Variants in DOK6 observed in about 807,000 individuals in gnomAD.
DOK6 encodes docking protein 6, also known as downstream of tyrosine kinase 6.
Under a neutral mutation model 44.0 loss-of-function variants are expected in DOK6, and 22 were observed. That is an observed-to-expected ratio of 0.50 (90% confidence interval 0.36 to 0.71). The LOEUF (loss-of-function observed/expected upper bound fraction) is 0.71, where lower values mean the gene tolerates loss of function less well. Ranked by LOEUF, DOK6 falls within the 30% of genes least tolerant of loss-of-function variation. DOK6 has a pLI of 0.00. For missense variants in DOK6, 340 were observed against 416.4 expected, an observed-to-expected ratio of 0.82 and a Z score of 1.60; for synonymous variants, 166 against 145.5, an observed-to-expected ratio of 1.14 and a Z score of -1.01.
chr18:69,716,550 T>G (rs916798748), intron 5 of DOK6, among the ~76,000 whole-genome samples: 1 of 152,184 alleles, frequency 6.6e-6, no homozygotes, highest in African/African-American at 2.4e-5. Flanking sequence ...TTCTATACCG[T>G]GTACACACTG....
intron 7 of DOK6, among the ~76,000 whole-genome samples, chr18:69,786,977 T>C (rs1980449890): frequency 6.6e-6 from 1 of 152,082 alleles, no homozygotes; most frequent in South Asian, 2.1e-4. Flanking sequence ...GCACTTTGGG[T>C]GGTTGAGGCA....
At chr18:69,477,584 T>C (rs1301754410) in intron 1 of DOK6, among the ~76,000 whole-genome samples, 1 of 152,186 alleles carries the variant, frequency 6.6e-6, no homozygotes, top group African/African-American at 2.4e-5. Flanking sequence ...CCTCCATTTC[T>C]TTATATTTGA....
intron 4 of DOK6, among the ~76,000 whole-genome samples, chr18:69,688,084 C>A (rs1284043847): frequency 1.3e-5 from 2 of 151,846 alleles, no homozygotes; most frequent in African/African-American, 4.8e-5. Flanking sequence ...TATTAAAATA[C>A]CTTTTATAAA....
At chr18:69,672,567 G>A (rs957955176) in intron 3 of DOK6, among the ~76,000 whole-genome samples, 3 of 151,812 alleles carry the variant, frequency 2.0e-5, no homozygotes, top group Non-Finnish European at 4.4e-5. Flanking sequence ...CATGTTGGCC[G>A]GGCTGGTCTC....
chr18:69,401,432 G>A (rs1312354929), intron 1 of DOK6, 122 bp downstream of exon 1: 1 of 1,162,438 alleles, frequency 8.6e-7, no homozygotes, highest in African/African-American at 1.6e-5. Context: ...CGGCCCTTAG[G>A]CGGATGGCCC....
intron 3 of DOK6, among the ~76,000 whole-genome samples, chr18:69,607,148 C>T (rs539077599): frequency 2.2e-4 from 34 of 152,242 alleles, no homozygotes; most frequent in South Asian, 4.1e-4. Context: ...AGAAACTAGG[C>T]CCTTTTTGAA....
chr18:69,736,544 A>T (rs774272598), intron 5 of DOK6, among the ~76,000 whole-genome samples: 2 of 152,148 alleles, frequency 1.3e-5, no homozygotes, highest in Non-Finnish European at 2.9e-5. Flanking sequence ...ATAGAATTCT[A>T]GTTTGAAGTC....
At chr18:69,483,340 G>A (rs889317518) in intron 1 of DOK6, among the ~76,000 whole-genome samples, 1 of 151,934 alleles carries the variant, frequency 6.6e-6, no homozygotes, top group Non-Finnish European at 1.5e-5. Context: ...CAACAGTCAA[G>A]CTGAGAGCCA....
rs906040905 is a variant in DOK6, at chr18:69,522,125, G to T, written c.67-42362G>T. Among the ~76,000 whole-genome samples the T allele has an allele frequency of 4.6e-5, 7 of 151,838 alleles. No homozygotes were observed. The East Asian group carries it at 1.4e-3, about 29-fold the overall frequency. ...ACAATAAAATCAACTGAATCCCTTC[G>T]AATGGACCTGAGGGATAATTTTACA... On this transcript the variant is annotated intron_variant, in intron 1 of 7. Coordinates refer to ENST00000382713, the MANE Select transcript of DOK6 (RefSeq NM_152721.6).
Position 69,486,097 on chromosome 18 carries a change from G to C in DOK6, c.67-78390G>C, listed in dbSNP as rs1252983720. ...ATATTTCATAGGTAAAAAGGTTTCA[G>C]TTCCTTTTTTAATATATAATGTAAC... On this transcript the variant is annotated intron_variant, in intron 1 of 7. Coordinates refer to ENST00000382713, the MANE Select transcript of DOK6 (RefSeq NM_152721.6). 1.3e-5 allele frequency among the ~76,000 whole-genome samples: 2 copies of C among 151,562 alleles called. 1 individual carries two copies. Among genetic ancestry groups the C allele is most frequent in the Non-Finnish European group, 2.9e-5 (2 of 67,880 alleles).
intron 7 of DOK6, among the ~76,000 whole-genome samples, chr18:69,763,899 T>C (rs752532280): frequency 6.6e-6 from 1 of 152,204 alleles, no homozygotes; most frequent in Non-Finnish European, 1.5e-5. Context: ...AGCAATGCAT[T>C]ATAAAGCATA....
chr18:69,623,392 A>G (rs1442841791), intron 3 of DOK6, among the ~76,000 whole-genome samples: 1 of 152,204 alleles, frequency 6.6e-6, no homozygotes, highest in African/African-American at 2.4e-5. Flanking sequence ...CATCCATTAC[A>G]TTCAATAACA....
chr18:69,442,319 T>C (rs2122443406), intron 1 of DOK6, among the ~76,000 whole-genome samples: 1 of 152,320 alleles, frequency 6.6e-6, no homozygotes, highest in East Asian at 1.9e-4. Flanking sequence ...CTGAGTAATT[T>C]ATAAAGCAAA....
intron 1 of DOK6, among the ~76,000 whole-genome samples, chr18:69,491,948 A>T: frequency 6.6e-6 from 1 of 152,250 alleles, no homozygotes; most frequent in East Asian, 1.9e-4. Flanking sequence ...GAACCAAAAG[A>T]ATATTAAATA....
intron 3 of DOK6, among the ~76,000 whole-genome samples, chr18:69,603,038 A>G (rs1983909566): frequency 6.6e-6 from 1 of 152,244 alleles, no homozygotes; most frequent in Admixed American, 6.5e-5. Flanking sequence ...AACAATAATG[A>G]AGAACCAGAC....
chr18:69,547,924 AATATATAATATATATATAATAT>A (rs1254862286), intron 1 of DOK6, among the ~76,000 whole-genome samples: 2 of 144,450 alleles, frequency 1.4e-5, no homozygotes, highest in East Asian at 3.9e-4. Flanking sequence ...ATCTATATAT[AATATATAATATATATATAATAT>A]ATATAAAATA....
At chr18:69,514,963 T>A (rs12969411) in intron 1 of DOK6, among the ~76,000 whole-genome samples, 1 of 152,108 alleles carries the variant, frequency 6.6e-6, no homozygotes, top group South Asian at 2.1e-4. Context: ...GTTAATCAGA[T>A]GACACAGTGG....
chr18:69,659,962 T>TTATATATA lies in DOK6; in HGVS notation c.290-17766_290-17759dup, dbSNP rs372958644. 9.2e-3 allele frequency: 614 copies of TTATATATA among 66,838 alleles called. 116 individuals are homozygous for TTATATATA. In the East Asian group the frequency reaches 0.39, roughly 42 times the overall value. The allele number at this position is 66,838 out of a possible 1,614,324, so 4.1% of individuals were successfully genotyped here. ...TATATATATAACATATATGTATGTT[T>TTATATATA]TATATATATATATGTATATAAAGAA... On this transcript the variant is annotated intron_variant, in intron 3 of 7. Coordinates refer to ENST00000382713, the MANE Select transcript of DOK6 (RefSeq NM_152721.6).
intron 4 of DOK6, among the ~76,000 whole-genome samples, chr18:69,696,867 G>A (rs927188568): frequency 6.6e-6 from 1 of 152,164 alleles, no homozygotes; most frequent in African/African-American, 2.4e-5. Context: ...TTGGGAATAT[G>A]TATATATTTG....
Sources: allele counts gnomAD v4.1 joint callset (sites outside exome capture counted in the v4.1 genomes callset), GRCh38; gene constraint gnomAD v4.1.1; transcripts MANE v1.5; gene names NCBI Gene and HGNC (gene_info 2026-07-23, HGNC 2026-07-21).